The following TMEM273 variants were observed in gnomAD, a reference collection of about 807,000 sequenced individuals.
TMEM273 encodes chromosome 10 open reading frame 128.
Under a neutral mutation model 17.9 loss-of-function variants are expected in TMEM273, and 19 were observed. That is an observed-to-expected ratio of 1.06 (90% CI 0.74 to 1.55). The LOEUF is 1.55. Ranked by LOEUF, TMEM273 falls within the 40% of genes most tolerant of loss-of-function variation. The pLI is 0.00. For synonymous variants in TMEM273, 66 were observed against 62.0 expected (o/e 1.07, Z -0.31); for missense variants, 194 against 155.6 (o/e 1.25, Z -1.31).
intron 6 of TMEM273, among the ~76,000 whole-genome samples, chr10:49,158,151 C>T (rs1419645516): frequency 1.3e-5 from 2 of 152,238 alleles, no homozygotes; most frequent in South Asian, 2.1e-4. Context: ...CTGAAACACA[C>T]AAAAACAGAA....
intron 1 of TMEM273, among the ~76,000 whole-genome samples, chr10:49,171,740 G>A (rs1846584408): frequency 6.6e-6 from 1 of 152,034 alleles, no homozygotes; most frequent in South Asian, 2.1e-4. Flanking sequence ...CCCAGCTCCT[G>A]GGGAGGAAGA....
At chr10:49,180,666 T>A (rs889000932) in intron 1 of TMEM273, among the ~76,000 whole-genome samples, 2 of 151,736 alleles carry the variant, frequency 1.3e-5, no homozygotes, top group Non-Finnish European at 2.9e-5. Flanking sequence ...AAAAAAAAAA[T>A]CAACAGATGC....
intron 5 of TMEM273, among the ~76,000 whole-genome samples, chr10:49,163,184 C>T (rs1010806289): frequency 2.6e-5 from 4 of 152,156 alleles, no homozygotes; most frequent in Non-Finnish European, 4.4e-5. Flanking sequence ...TCTACTCTCC[C>T]GCATCAGTGG....
In TMEM273 at chr10:49,167,090, C is replaced by G. The variant is rs1846244098; in HGVS notation, c.98-81G>C. 6 of 1,560,886 alleles carry G rather than the reference C, an allele frequency of 3.8e-6. No individual in the cohort carries two copies. In the Admixed American group the frequency reaches 1.0e-4, roughly 27 times the overall value. ...CATTCCAGATGAGGTCCAAAGCATG[C>G]ATGTGGCCCTTAACACACCACCTCC... On this transcript the variant is annotated intron_variant, in intron 2 of 6. Transcript: ENST00000374153.
chr10:49,184,782 C>T (rs1157865816), intron 1 of TMEM273, among the ~76,000 whole-genome samples: 2 of 152,184 alleles, frequency 1.3e-5, no homozygotes, highest in Non-Finnish European at 2.9e-5. Flanking sequence ...AGGTGGGTTC[C>T]AGGAGGTGGG....
At chr10:49,162,064 G>A (rs537637994) in intron 5 of TMEM273, among the ~76,000 whole-genome samples, 46 of 152,180 alleles carry the variant, frequency 3.0e-4, no homozygotes, top group African/African-American at 1.1e-3. Flanking sequence ...ATCTTTCCTG[G>A]ATTATGGAAA....
chr10:49,169,318 C>T (rs1846401878), intron 1 of TMEM273, among the ~76,000 whole-genome samples: 1 of 152,334 alleles, frequency 6.6e-6, no homozygotes, highest in South Asian at 2.1e-4. Flanking sequence ...AAGGAAGCAT[C>T]ATAGCAAAGA....
intron 1 of TMEM273, among the ~76,000 whole-genome samples, chr10:49,181,983 T>C (rs1847372400): frequency 6.6e-6 from 1 of 152,140 alleles, no homozygotes; most frequent in Non-Finnish European, 1.5e-5. Flanking sequence ...CTCTTAAAAT[T>C]CAACAGTAAA....
intron 1 of TMEM273, among the ~76,000 whole-genome samples, chr10:49,172,752 T>G (rs1301581640): frequency 6.6e-6 from 1 of 152,198 alleles, no homozygotes; most frequent in East Asian, 1.9e-4. Context: ...ATTGAGTGTG[T>G]GCACAGAGTG....
At chr10:49,168,729 G>T (rs1194381277) in intron 1 of TMEM273, among the ~76,000 whole-genome samples, 5 of 151,426 alleles carry the variant, frequency 3.3e-5, no homozygotes, top group Admixed American at 6.6e-5. Context: ...AGGGTGGGAA[G>T]GAAGGAAAGA....
chr10:49,188,384 G>T lies in TMEM273; in HGVS notation c.-48C>A. On this transcript the variant is annotated 5_prime_UTR_variant, in exon 1 of 7. It adds an upstream start codon to the 5' untranslated region. Transcript: ENST00000374153. ...CTGGCTCCTGGCTGCTGGCAGCGCAGGCACAATGAGCCATGTGACCCAAGG... is the reference window on the plus strand; with the variant it reads ...CTGGCTCCTGGCTGCTGGCAGCGCATGCACAATGAGCCATGTGACCCAAGG... 1 of 1,613,748 alleles carries T rather than the reference G, an allele frequency of 6.2e-7. No homozygotes were observed. Among genetic ancestry groups the T allele is most frequent in the Non-Finnish European group, 8.5e-7 (1 of 1,179,850 alleles).
Position 49,185,932 on chromosome 10 carries a change from C to T in TMEM273, c.43+2362G>A, listed in dbSNP as rs372028754. 8.6e-4 allele frequency among the ~76,000 whole-genome samples: 130 copies of T among 151,220 alleles called. 3 individuals carry two copies. The highest frequency in any genetic ancestry group is 2.9e-3 in the African/African-American group (120 of 41,084). ...GGTGGAGGTTGCGGTGAGCCGAGAT[C>T]GCGCCATTGCACTCCAGCCTGGGCA... On this transcript the variant is annotated intron_variant, in intron 1 of 6. Coordinates refer to ENST00000374153, the MANE Select transcript of TMEM273 (RefSeq NM_001288740.3).
intron 2 of TMEM273, 143 bp from the exon 3 acceptor site, chr10:49,167,152 T>C (rs80294409): frequency 3.5e-6 from 4 of 1,157,562 alleles, no homozygotes; most frequent in Non-Finnish European, 4.8e-6. Context: ...TACTCTCCCA[T>C]GAGTCCCTTT....
Position 49,155,874 on chromosome 10 carries a change from T to C in TMEM273, c.*18A>G. On this transcript the variant is annotated 3_prime_UTR_variant, in exon 7 of 7. Transcript: ENST00000374153. The stretch of plus-strand genomic sequence containing the variant: ...CACGGGGCTAGAACCCCTCTTCACG[T>C]CACTGCTCACCTACAGCTCAATCAC... The C allele has an allele frequency of 2.5e-6, 4 of 1,614,202 alleles. No individual in the cohort carries two copies. The South Asian group carries it at 4.4e-5, about 18-fold the overall frequency.
intron 6 of TMEM273, chr10:49,156,177 G>T (rs778666170): frequency 6.7e-7 from 1 of 1,499,806 alleles, no homozygotes; most frequent in African/African-American, 1.4e-5. Context: ...AAAAAGAGAA[G>T]TCATTCCTCG....
chr10:49,167,822 C>T, intron 2 of TMEM273, 87 bp downstream of exon 2: 2 of 1,543,358 alleles, frequency 1.3e-6, no homozygotes, highest in South Asian at 1.1e-5. Context: ...GAACCAATTC[C>T]AGCACTGCGG....
Position 49,155,070 on chromosome 10 carries a change from T to G in TMEM273, c.*822A>C, listed in dbSNP as rs1215516593. ...TCACGGGGCCTTAGCCTGATGGCAA[T>G]TGTAGAATGTCATGGCTTTCCTCAG... On this transcript the variant is annotated 3_prime_UTR_variant, in exon 7 of 7. Transcript: ENST00000374153. The G allele has an allele frequency of 6.6e-6, 1 of 152,252 alleles. No individual in the cohort carries two copies. Among genetic ancestry groups the G allele is most frequent in the African/African-American group, 2.4e-5 (1 of 41,460 alleles). The allele number at this position is 152,252 out of a possible 1,614,324, so 9.4% of individuals were successfully genotyped here.
At chr10:49,173,785 G>A (rs923425861) in intron 1 of TMEM273, among the ~76,000 whole-genome samples, 2 of 152,242 alleles carry the variant, frequency 1.3e-5, no homozygotes, top group African/African-American at 2.4e-5. Context: ...GAAATGGCTT[G>A]AAGAGATAAG....
intron 1 of TMEM273, among the ~76,000 whole-genome samples, chr10:49,182,957 C>T (rs1590253633): frequency 6.6e-6 from 1 of 152,082 alleles, no homozygotes; most frequent in African/African-American, 2.4e-5. Flanking sequence ...TCAGGCAAAC[C>T]CCAAGATGAG....
Sources: gnomAD v4.1 joint callset for allele counts (sites outside exome capture counted in the v4.1 genomes callset) on GRCh38, gnomAD v4.1.1 for gene constraint, MANE v1.5 for transcripts, NCBI Gene and HGNC (gene_info 2026-07-23, HGNC 2026-07-21) for gene names.